The following KCNQ1OT1 variants were observed in gnomAD, a reference collection of about 807,000 sequenced individuals.
The protein encoded by KCNQ1OT1 is KCNQ1 antisense RNA 2 (non-protein coding).
chr11:2,681,450 A>G (rs1458202158), exon 1 of KCNQ1OT1: 1 of 398,462 alleles, frequency 2.5e-6, no homozygotes, highest in Non-Finnish European at 4.4e-6. Context: ...TTGGGACCAG[A>G]TAACCTTAAT....
chr11:2,693,484 A>G (rs1850622690), exon 1 of KCNQ1OT1: 2 of 398,554 alleles, frequency 5.0e-6, no homozygotes, highest in Admixed American at 4.4e-5. Context: ...TACAATTAGC[A>G]GGAGAAAGGC....
exon 1 of KCNQ1OT1, chr11:2,614,359 T>G (rs1849026884): frequency 5.0e-6 from 2 of 398,474 alleles, no homozygotes; most frequent in Non-Finnish European, 8.8e-6. Context: ...CCCTTTAAAT[T>G]TTTTAAGTAA....
Position 2,678,796 on chromosome 11 carries a change from A to G in KCNQ1OT1, n.21199T>C. The G allele has an allele frequency of 2.5e-6, 1 of 398,628 alleles. No homozygotes were observed. Among genetic ancestry groups the G allele is most frequent in the Admixed American group, 4.4e-5 (1 of 22,742 alleles). 24.7% of individuals were successfully genotyped at this position (398,628 alleles called of 1,614,324 possible). ...ATCGTGGCAGCTAATAATGTCAGGG[A>G]GCATGAGCACTTGTTTCTTCCAAGG... On this transcript the variant is annotated non_coding_transcript_exon_variant, in exon 1 of 1. Transcript: ENST00000597346. This position sits in a 1 kb window ranked among gnomAD's most constrained non-coding sequence, Gnocchi z 4.9.
At chr11:2,646,125 T>C (rs963996978) in exon 1 of KCNQ1OT1, 7 of 398,522 alleles carry the variant, frequency 1.8e-5, no homozygotes, top group East Asian at 1.1e-4. Flanking sequence ...GTTTTTCTTA[T>C]TACTTCTCAG....
chr11:2,683,550 C>G lies in KCNQ1OT1; in HGVS notation n.16445G>C, dbSNP rs1850434823. 2.5e-6 allele frequency: 1 copy of G among 398,522 alleles called. No individual in the cohort carries two copies. The allele number at this position is 398,522 out of a possible 1,614,324, so 24.7% of individuals were successfully genotyped here. ...AACATTTCTAAAAAAGAGGTAGAAG[C>G]CCCTACCTACTGACTGGCATCACAA... On this transcript the variant is annotated non_coding_transcript_exon_variant, in exon 1 of 1. Transcript: ENST00000597346. This position sits in a 1 kb window ranked among gnomAD's most constrained non-coding sequence, Gnocchi z 4.7.
chr11:2,616,469 G>A lies in KCNQ1OT1; in HGVS notation n.83526C>T, dbSNP rs141464726. The A allele has an allele frequency of 5.0e-4, 198 of 397,480 alleles. 2 individuals are homozygous for A. Among genetic ancestry groups the A allele is most frequent in the East Asian group, 4.9e-3 (138 of 27,954 alleles). 24.6% of individuals were successfully genotyped at this position (397,480 alleles called of 1,614,324 possible). On this transcript the variant is annotated non_coding_transcript_exon_variant, in exon 1 of 1. Transcript: ENST00000597346. ...ACTTCGTTCTTCTTTCTCTGGTTAC[G>A]TAAGGTATAATATTAGGTTATGGAT...
exon 1 of KCNQ1OT1, chr11:2,631,850 A>G (rs1425059276): frequency 1.0e-5 from 4 of 398,402 alleles, no homozygotes; most frequent in South Asian, 1.3e-4. Flanking sequence ...AGTTGTGTTA[A>G]TAATATCCCT....
At position 2,661,927 on chromosome 11, in the gene KCNQ1OT1, G is replaced by C; in HGVS notation, n.38068C>G. On this transcript the variant is annotated non_coding_transcript_exon_variant, in exon 1 of 1. Coordinates refer to ENST00000597346, the Ensembl canonical transcript of KCNQ1OT1. This position sits in a 1 kb window ranked among gnomAD's most constrained non-coding sequence, Gnocchi z 5.9. ...CACAGCACTGGCAGGTTGGGTGGGA[G>C]GCCTAACGTGCTGTCCCCACACTTT... The C allele has an allele frequency of 6.2e-7, 1 of 1,614,008 alleles. No homozygotes were observed. The highest frequency in any genetic ancestry group is 8.5e-7 in the Non-Finnish European group (1 of 1,180,008).
chr11:2,665,818 T>C (rs1168177563), exon 1 of KCNQ1OT1: 13 of 398,396 alleles, frequency 3.3e-5, no homozygotes, highest in South Asian at 1.3e-4. Context: ...GCAGACACAT[T>C]GTGCCAGTGC....
rs1221831441 is a variant in KCNQ1OT1, at chr11:2,620,029, G to C, written n.79966C>G. ...GCCCACCTCTCCATTCCTCCCCCAA[G>C]TAGTCCCCAGTGTCTACTGATCATC... On this transcript the variant is annotated non_coding_transcript_exon_variant, in exon 1 of 1. Transcript: ENST00000597346. This position sits in a 1 kb window ranked among gnomAD's most constrained non-coding sequence, Gnocchi z 4.5. 2.5e-6 allele frequency: 1 copy of C among 397,966 alleles called. No homozygotes were observed. Among genetic ancestry groups the C allele is most frequent in the African/African-American group, 2.1e-5 (1 of 48,424 alleles). The allele number at this position is 397,966 out of a possible 1,614,324, so 24.7% of individuals were successfully genotyped here. A position where few individuals can be genotyped will look rare whatever the true frequency, so the allele number is the denominator to read the frequency against.
In KCNQ1OT1 at chr11:2,675,037, G is replaced by A. The variant is rs1850268063; in HGVS notation, n.24958C>T. 6 of 398,636 alleles carry A rather than the reference G, an allele frequency of 1.5e-5. No homozygotes were observed. In the East Asian group the frequency reaches 1.8e-4, roughly 12 times the overall value. The allele number at this position is 398,636 out of a possible 1,614,324, so 24.7% of individuals were successfully genotyped here. On this transcript the variant is annotated non_coding_transcript_exon_variant, in exon 1 of 1. Coordinates refer to ENST00000597346, the Ensembl canonical transcript of KCNQ1OT1. ...CTGACTTCTCTGCCAGAGCCCAGGT[G>A]GGGGACGGGGATGCCAAGGGCAGAG... is the stretch of plus-strand genomic sequence containing the variant.
exon 1 of KCNQ1OT1, chr11:2,686,271 T>C (rs1425174575): frequency 1.0e-5 from 4 of 398,652 alleles, no homozygotes; most frequent in African/African-American, 4.1e-5. Flanking sequence ...ACCCCAGTAC[T>C]GCCACTGGCT....
exon 1 of KCNQ1OT1, chr11:2,694,120 G>A: frequency 5.0e-6 from 2 of 398,702 alleles, no homozygotes; most frequent in Non-Finnish European, 8.8e-6. Context: ...GGGACTGGAA[G>A]TGCTTGCCAA....
At position 2,661,816 on chromosome 11, in the gene KCNQ1OT1, C is replaced by T; in HGVS notation, n.38179G>A. 9.8e-7 allele frequency: 1 copy of T among 1,020,506 alleles called. No individual in the cohort carries two copies. The highest frequency in any genetic ancestry group is 1.5e-6 in the Non-Finnish European group (1 of 668,918). 63.2% of individuals were successfully genotyped at this position (1,020,506 alleles called of 1,614,324 possible). On this transcript the variant is annotated non_coding_transcript_exon_variant, in exon 1 of 1. Transcript: ENST00000597346. The surrounding 1 kb of genome is among the most constrained non-coding windows in gnomAD (Gnocchi z 5.9). The stretch of plus-strand genomic sequence containing the variant: ...TTAAACACCCACCCACCCCAACACC[C>T]AACTATAAAACTGATTGTCAGGGCT...
chr11:2,686,803 C>G (rs1564858099), exon 1 of KCNQ1OT1: 1 of 398,582 alleles, frequency 2.5e-6, no homozygotes, highest in Non-Finnish European at 4.4e-6. Flanking sequence ...GCAGCCCCTG[C>G]TCACCCCTAA....
chr11:2,640,791 G>A (rs1214558129), exon 1 of KCNQ1OT1: 2 of 398,334 alleles, frequency 5.0e-6, no homozygotes, highest in Admixed American at 4.4e-5. Context: ...CTAACTAGCT[G>A]TGTATTTTTA....
chr11:2,679,267 C>T lies in KCNQ1OT1; in HGVS notation n.20728G>A. ...CTGTCCCACCCTTGGCTGTGCTCTCCTTTACTAATCCATAGCCAAAGACAG... is the reference window on the plus strand; with the variant it reads ...CTGTCCCACCCTTGGCTGTGCTCTCTTTTACTAATCCATAGCCAAAGACAG... On this transcript the variant is annotated non_coding_transcript_exon_variant, in exon 1 of 1. Coordinates refer to ENST00000597346, the Ensembl canonical transcript of KCNQ1OT1. This position sits in a 1 kb window ranked among gnomAD's most constrained non-coding sequence, Gnocchi z 4.8. The T allele has an allele frequency of 2.5e-6, 1 of 398,632 alleles. No individual in the cohort carries two copies. Among genetic ancestry groups the T allele is most frequent in the East Asian group, 3.6e-5 (1 of 28,064 alleles). 24.7% of individuals were successfully genotyped at this position (398,632 alleles called of 1,614,324 possible). A position where few individuals can be genotyped will look rare whatever the true frequency, so the allele number is the denominator to read the frequency against.
chr11:2,649,316 G>T (rs1383781677), exon 1 of KCNQ1OT1: 3 of 397,728 alleles, frequency 7.5e-6, no homozygotes, highest in African/African-American at 2.1e-5. Context: ...CAATTTTTTG[G>T]TTTTCTGTAG....
chr11:2,678,508 T>A lies in KCNQ1OT1; in HGVS notation n.21487A>T. 1 of 398,610 alleles carries A rather than the reference T, an allele frequency of 2.5e-6. No individual in the cohort carries two copies. Among genetic ancestry groups the A allele is most frequent in the East Asian group, 3.6e-5 (1 of 28,086 alleles). The allele number at this position is 398,610 out of a possible 1,614,324, so 24.7% of individuals were successfully genotyped here. Reference sequence around the variant, plus strand: ...ATTTAATTTGTGTCCATTTCTAGACTCTATTCTGGACTGCTGATGGGCCTG... The same window carrying A: ...ATTTAATTTGTGTCCATTTCTAGACACTATTCTGGACTGCTGATGGGCCTG... On this transcript the variant is annotated non_coding_transcript_exon_variant, in exon 1 of 1. Transcript: ENST00000597346. This position sits in a 1 kb window ranked among gnomAD's most constrained non-coding sequence, Gnocchi z 4.9.
Sources: gnomAD v4.1 joint callset for allele counts on GRCh38, gnomAD v4.1.1 for gene constraint, Gnocchi (gnomAD v3.1) non-coding constraint, MANE v1.5 for transcripts, NCBI Gene and HGNC (gene_info 2026-07-23, HGNC 2026-07-21) for gene names.